The following RILPL1 variants were observed in gnomAD, a reference collection of about 807,000 sequenced individuals.
The protein encoded by RILPL1 is Rab interacting lysosomal protein like 1.
RILPL1 carries 33 observed loss-of-function variants against 50.3 expected under a neutral mutation model. That is an observed-to-expected ratio of 0.66 (90% CI 0.50 to 0.88). The LOEUF (loss-of-function observed/expected upper bound fraction) is 0.88. Among genes scored for constraint, RILPL1 ranks in the 40% least tolerant of loss-of-function variants. The probability of loss-of-function intolerance (pLI) is 0.00; values close to 1 mark genes in which losing one functional copy is unlikely to be tolerated. For missense variants in RILPL1, 418 were observed against 542.5 expected (o/e 0.77, Z 2.28); for synonymous variants, 205 against 228.6 (o/e 0.90, Z 0.93).
At chr12:123,521,261 G>A (rs1884989332) in intron 2 of RILPL1, among the ~76,000 whole-genome samples, 1 of 151,866 alleles carries the variant, frequency 6.6e-6, no homozygotes, top group Admixed American at 6.6e-5. Flanking sequence ...TTTTTACATG[G>A]GGGTGCAACT....
At chr12:123,515,438 A>C (rs1884628453) in intron 2 of RILPL1, 1 of 150,908 alleles carries the variant, frequency 6.6e-6, no homozygotes, top group Admixed American at 6.6e-5. Context: ...AATATATACT[A>C]CAGTGTTTTT....
At position 123,522,093 on chromosome 12, in the gene RILPL1, CAG is replaced by C. The variant is rs1885088391; in HGVS notation, c.460+1400_460+1401del. 6.6e-6 allele frequency among the ~76,000 whole-genome samples: 1 copy of C among 152,124 alleles called. No homozygotes were observed. The highest frequency in any genetic ancestry group is 1.5e-5 in the Non-Finnish European group (1 of 68,016). ...GCCTTTAGTGCCATACTTGATTCTG[CAG>C]AGAGGTCACCACACATTCTGAAGTT... On this transcript the variant is annotated intron_variant, in intron 2 of 6. Transcript: ENST00000376874. The surrounding 1 kb of genome is among the most constrained non-coding windows in gnomAD (Gnocchi z 4.0).
At chr12:123,505,861 G>T (rs1883715724) in intron 2 of RILPL1, among the ~76,000 whole-genome samples, 1 of 152,170 alleles carries the variant, frequency 6.6e-6, no homozygotes, top group Admixed American at 6.6e-5. Flanking sequence ...CTGGGCTCAA[G>T]CGATCTTCCC....
intron 2 of RILPL1, among the ~76,000 whole-genome samples, chr12:123,516,526 GGC>G (rs1381115748): frequency 6.6e-6 from 1 of 152,166 alleles, no homozygotes; most frequent in East Asian, 1.9e-4. Flanking sequence ...CCCCTCTGGG[GGC>G]ACTTCTTTCA....
In RILPL1 at chr12:123,470,402, G is replaced by T. The variant is rs1881131153; in HGVS notation, c.*2136C>A. ...GTGGGAGGATTGCTTGAGCCCAGGGGTTCATAGCTGCAATGAGCTATGATA... is the reference window on the plus strand; with the variant it reads ...GTGGGAGGATTGCTTGAGCCCAGGGTTTCATAGCTGCAATGAGCTATGATA... On this transcript the variant is annotated 3_prime_UTR_variant, in exon 7 of 7. Coordinates refer to ENST00000376874, the MANE Select transcript of RILPL1 (RefSeq NM_178314.5). The T allele has an allele frequency of 6.7e-6, 1 of 149,944 alleles. No individual in the cohort carries two copies. The highest frequency in any genetic ancestry group is 2.5e-5 in the African/African-American group (1 of 40,354). 9.3% of individuals were successfully genotyped at this position (149,944 alleles called of 1,614,324 possible). A position where few individuals can be genotyped will look rare whatever the true frequency, so the allele number is the denominator to read the frequency against.
At chr12:123,511,803 G>A (rs1158666463) in intron 2 of RILPL1, among the ~76,000 whole-genome samples, 1 of 127,708 alleles carries the variant, frequency 7.8e-6, no homozygotes, top group African/African-American at 3.2e-5. Context: ...GTCTGTGTGT[G>A]GTGTGTGAGG....
At chr12:123,510,917 C>CTGTG (rs150135730) in intron 2 of RILPL1, among the ~76,000 whole-genome samples, 1 of 104,962 alleles carries the variant, frequency 9.5e-6, no homozygotes, top group Non-Finnish European at 1.9e-5. Flanking sequence ...TGTGTGAGGT[C>CTGTG]TGTGTGTGTG....
At chr12:123,518,704 CAT>C (rs1462352212) in intron 2 of RILPL1, among the ~76,000 whole-genome samples, 2 of 151,862 alleles carry the variant, frequency 1.3e-5, no homozygotes, top group Non-Finnish European at 2.9e-5. Flanking sequence ...ATATTGATTA[CAT>C]GTTACAAGGA....
chr12:123,503,777 G>A lies in RILPL1; in HGVS notation c.461-4241C>T, dbSNP rs1483188031. On this transcript the variant is annotated intron_variant, in intron 2 of 6. Transcript: ENST00000376874. Reference sequence around the variant, plus strand: ...AGCACTTTAGGAGGCTGAGGCGGGTGGATCACGAGGTCAGGAGATCGAGAC... The same window carrying A: ...AGCACTTTAGGAGGCTGAGGCGGGTAGATCACGAGGTCAGGAGATCGAGAC... Among the ~76,000 whole-genome samples, 4 of 152,020 alleles carry A rather than the reference G, an allele frequency of 2.6e-5. No homozygotes were observed. The East Asian group carries it at 7.9e-4, about 30-fold the overall frequency.
chr12:123,494,759 A>C (rs1310974348), intron 4 of RILPL1, among the ~76,000 whole-genome samples: 1 of 152,104 alleles, frequency 6.6e-6, no homozygotes, highest in Non-Finnish European at 1.5e-5. Flanking sequence ...GTTATTGCAA[A>C]GGGCTCCTGC....
At chr12:123,521,052 T>C (rs146934874) in intron 2 of RILPL1, among the ~76,000 whole-genome samples, 1 of 152,302 alleles carries the variant, frequency 6.6e-6, no homozygotes, top group East Asian at 1.9e-4. Context: ...CTTGAACAAA[T>C]CACTCTCCCT....
In RILPL1 at chr12:123,475,533, A is replaced by C. The variant is rs551957989; in HGVS notation, c.1068-2851T>G. 8.3e-4 allele frequency: 558 copies of C among 673,006 alleles called. 3 individuals are homozygous for C. Among genetic ancestry groups the C allele is most frequent in the Non-Finnish European group, 8.1e-5 (30 of 369,646 alleles). 41.7% of individuals were successfully genotyped at this position (673,006 alleles called of 1,614,324 possible). A position where few individuals can be genotyped will look rare whatever the true frequency, so the allele number is the denominator to read the frequency against. Reference sequence around the variant, plus strand: ...TGAAATCACACTCAACATCCACGTCAAATGGAGCACACAGGTGGCGGCCAT... The same window carrying C: ...TGAAATCACACTCAACATCCACGTCCAATGGAGCACACAGGTGGCGGCCAT... On this transcript the variant is annotated intron_variant, in intron 6 of 6. Coordinates refer to ENST00000376874, the MANE Select transcript of RILPL1 (RefSeq NM_178314.5).
chr12:123,480,896 T>G (rs1881937953), intron 6 of RILPL1, among the ~76,000 whole-genome samples: 1 of 152,166 alleles, frequency 6.6e-6, no homozygotes, highest in African/African-American at 2.4e-5. Context: ...GAGGTAAAAG[T>G]GCTCTGAGCG....
chr12:123,501,527 C>T (rs1014137212), intron 2 of RILPL1, among the ~76,000 whole-genome samples: 7 of 152,054 alleles, frequency 4.6e-5, no homozygotes, highest in Non-Finnish European at 8.8e-5. Flanking sequence ...TTTGGGAAGC[C>T]GAGGTGGGCG....
intron 2 of RILPL1, chr12:123,519,609 C>G (rs181588034): frequency 1.3e-5 from 2 of 152,484 alleles, no homozygotes; most frequent in East Asian, 3.8e-4. Flanking sequence ...CATTCTTAGC[C>G]GTCACTTCCC....
At chr12:123,511,023 ATGTC>A (rs1382478344) in intron 2 of RILPL1, among the ~76,000 whole-genome samples, 6 of 38,946 alleles carry the variant, frequency 1.5e-4, no homozygotes, top group South Asian at 8.7e-4. Context: ...GTGTGAGTGT[ATGTC>A]TGTGTGGTGG....
In RILPL1 at chr12:123,485,123, C is replaced by A. The variant is rs1482089829; in HGVS notation, c.974+510G>T. ...CTATTCAACAGATATTTGTTGTGCA[C>A]CTACTGTGTGCCAAGCTCCATTCTA... is the stretch of plus-strand genomic sequence containing the variant. On this transcript the variant is annotated intron_variant, in intron 5 of 6. Coordinates refer to ENST00000376874, the MANE Select transcript of RILPL1 (RefSeq NM_178314.5). This position sits in a 1 kb window ranked among gnomAD's most constrained non-coding sequence, Gnocchi z 4.0. 4.4e-6 allele frequency: 2 copies of A among 456,126 alleles called. No individual in the cohort carries two copies. Among genetic ancestry groups the A allele is most frequent in the South Asian group, 3.1e-5 (2 of 64,562 alleles). 28.3% of individuals were successfully genotyped at this position (456,126 alleles called of 1,614,324 possible). A position where few individuals can be genotyped will look rare whatever the true frequency, so the allele number is the denominator to read the frequency against.
intron 2 of RILPL1, among the ~76,000 whole-genome samples, chr12:123,504,697 G>A (rs1349389460): frequency 6.6e-6 from 1 of 152,004 alleles, no homozygotes; most frequent in Non-Finnish European, 1.5e-5. Flanking sequence ...CCCAACCACT[G>A]GAAATGGGTC....
chr12:123,503,515 G>A (rs1019714547), intron 2 of RILPL1, among the ~76,000 whole-genome samples: 8 of 151,772 alleles, frequency 5.3e-5, no homozygotes, highest in Non-Finnish European at 1.0e-4. Flanking sequence ...GAGAGATTTC[G>A]TTCCTTCCCT....
Sources: gnomAD v4.1 joint callset for allele counts (sites outside exome capture counted in the v4.1 genomes callset) on GRCh38, gnomAD v4.1.1 for gene constraint, Gnocchi (gnomAD v3.1) non-coding constraint, MANE v1.5 for transcripts, NCBI Gene and HGNC (gene_info 2026-07-23, HGNC 2026-07-21) for gene names.